TDRD5: variants seen among roughly 807,000 people sequenced by gnomAD.
TDRD5 encodes the protein tudor domain-containing protein 5.
In TDRD5, 41 loss-of-function variants were observed where a neutral mutation model predicts 120.6. The observed-to-expected ratio is 0.34, with a 90% confidence interval of 0.26 to 0.44. The LOEUF (loss-of-function observed/expected upper bound fraction) is 0.44. Ranked by LOEUF, TDRD5 falls within the 20% of genes least tolerant of loss-of-function variation. The pLI is 1.00. For synonymous variants in TDRD5, 430 were observed against 433.7 expected, an observed-to-expected ratio of 0.99 and a Z score of 0.11; for missense variants, 1,006 against 1,221.2, an observed-to-expected ratio of 0.82 and a Z score of 2.63.
rs191912887 is a variant in TDRD5, at chr1:179,685,112, C to T, written c.2861-5584C>T. Among the ~76,000 whole-genome samples the T allele has an allele frequency of 2.2e-3, 338 of 152,240 alleles. 6 individuals are homozygous for T. The highest frequency in any genetic ancestry group is 7.7e-3 in the African/African-American group (319 of 41,540). ...GCTTTGGTGTTTTAGACATGAAGTC[C>T]TTGCCCATGCCTATGCCCTGAATGG... On this transcript the variant is annotated intron_variant, in intron 17 of 17. Coordinates refer to ENST00000444136, the MANE Select transcript of TDRD5 (RefSeq NM_001199085.3).
intron 17 of TDRD5, among the ~76,000 whole-genome samples, chr1:179,687,017 AAGGGTTTTTTGT>A (rs1680759395): frequency 6.6e-6 from 1 of 152,076 alleles, no homozygotes; most frequent in African/African-American, 2.4e-5. Context: ...TGATTTTTTG[AAGGGTTTTTTGT>A]GTCTCTATCT....
chr1:179,608,064 A>G (rs1293368311), intron 4 of TDRD5, among the ~76,000 whole-genome samples: 1 of 151,922 alleles, frequency 6.6e-6, no homozygotes, highest in Non-Finnish European at 1.5e-5. Flanking sequence ...ATAGAATTCT[A>G]TCTGGTGTGA....
chr1:179,619,992 A>C (rs1676762174), intron 5 of TDRD5, among the ~76,000 whole-genome samples: 1 of 152,210 alleles, frequency 6.6e-6, no homozygotes, highest in East Asian at 1.9e-4. Context: ...ATATTCTCCA[A>C]ACTAGGGATG....
At chr1:179,640,122 G>A in intron 10 of TDRD5, 71 bp downstream of exon 10, 3 of 1,516,154 alleles carry the variant, frequency 2.0e-6, no homozygotes, top group Non-Finnish European at 2.7e-6. Context: ...CTGTGGGGTT[G>A]GGATCTCTCT....
intron 17 of TDRD5, among the ~76,000 whole-genome samples, chr1:179,680,030 T>A (rs1280425997): frequency 5.9e-5 from 9 of 152,172 alleles, no homozygotes; most frequent in Non-Finnish European, 1.3e-4. Context: ...TTTCATTCAT[T>A]TCAAAATATA....
intron 6 of TDRD5, among the ~76,000 whole-genome samples, chr1:179,629,819 ATATGAAATGTTTTCTGTT>A (rs1677335212): frequency 6.6e-6 from 1 of 152,206 alleles, no homozygotes; most frequent in Non-Finnish European, 1.5e-5. Context: ...CTTTTAAGAC[ATATGAAATGTTTTCTGTT>A]TAAGGAATGT....
At chr1:179,654,492 CA>C in intron 14 of TDRD5, 130 bp downstream of exon 14, 1 of 998,800 alleles carries the variant, frequency 1.0e-6, no homozygotes, top group Non-Finnish European at 1.4e-6. Context: ...AGGCCAAGTG[CA>C]ATGGTTCACA....
At chr1:179,617,163 C>T (rs887448606) in intron 4 of TDRD5, among the ~76,000 whole-genome samples, 1 of 152,038 alleles carries the variant, frequency 6.6e-6, no homozygotes, top group African/African-American at 2.4e-5. Flanking sequence ...ATGGAAATGC[C>T]CAAGAAAATG....
chr1:179,646,897 T>C (rs913355150), intron 11 of TDRD5, among the ~76,000 whole-genome samples: 1 of 150,996 alleles, frequency 6.6e-6, no homozygotes, highest in African/African-American at 2.4e-5. Flanking sequence ...TTACAAGGGA[T>C]GTGAAGGACC....
At position 179,630,884 on chromosome 1, in the gene TDRD5, C is replaced by T; in HGVS notation, c.1090C>T (p.Leu364=). ...GTTCAGGAAAGGACACCAAGACTTA[C>T]TAGTGTTTGATGCGGATAAGAAGCC... ...VEFRKGHQDL[L]VFDADKKPLP... The change falls in exon 7 of 18, where the codon CTA becomes TTA. Residue 364 remains leucine (L), a synonymous_variant. Coordinates refer to ENST00000444136, the MANE Select transcript of TDRD5 (RefSeq NM_001199085.3). 1 of 1,613,698 alleles carries T rather than the reference C, an allele frequency of 6.2e-7. No homozygotes were observed. Among genetic ancestry groups the T allele is most frequent in the Non-Finnish European group, 8.5e-7 (1 of 1,179,798 alleles).
chr1:179,645,937 T>C (rs1240508788), intron 11 of TDRD5, among the ~76,000 whole-genome samples: 1 of 152,186 alleles, frequency 6.6e-6, no homozygotes, highest in Non-Finnish European at 1.5e-5. Context: ...GTCATTCTAC[T>C]TTGAACCCTT....
At chr1:179,643,481 G>A (rs983181336) in intron 11 of TDRD5, among the ~76,000 whole-genome samples, 2 of 152,078 alleles carry the variant, frequency 1.3e-5, no homozygotes, top group African/African-American at 4.8e-5. Flanking sequence ...CTCATCATAA[G>A]GAACAGAGAA....
chr1:179,669,148 A>G, intron 16 of TDRD5, 46 bp from the exon 17 acceptor site: 1 of 1,541,272 alleles, frequency 6.5e-7, no homozygotes. Context: ...AATTATTCTT[A>G]TACTAACACT....
Position 179,592,749 on chromosome 1 carries a change from T to A in TDRD5, c.134T>A (p.Leu45His). Residue 45 changes from leucine to histidine, a missense_variant, in exon 2 of 18, where the codon CTC (leucine) becomes CAC (histidine). By Grantham distance (99) the Leu-to-His change is moderately conservative. Coordinates refer to ENST00000444136, the MANE Select transcript of TDRD5 (RefSeq NM_001199085.3). The stretch of plus-strand genomic sequence containing the variant: ...TTGATGGTTGGCAACCATCTACCAC[T>A]CCGAATCCTTGGGTATCGGTCCACT... ...YLLMVGNHLPLRILGYRSTME... is the reference protein window; with the variant it reads ...YLLMVGNHLPHRILGYRSTME... 1 of 1,614,122 alleles carries A rather than the reference T, an allele frequency of 6.2e-7. No individual in the cohort carries two copies. Among genetic ancestry groups the A allele is most frequent in the Non-Finnish European group, 8.5e-7 (1 of 1,180,016 alleles).
chr1:179,662,164 G>T lies in TDRD5; in HGVS notation c.2383G>T (p.Asp795Tyr), dbSNP rs1181516189. The change falls in exon 15 of 18, where the codon GAT becomes TAT. Residue 795 changes from aspartate (D) to tyrosine (Y), a missense_variant. Transcript: ENST00000444136. ...AGTGACCATAGGTGATGATATTTGG[G>T]ATGAGAACTGGTTACCTCTACAGGC... ...ESVTIGDDIW[D>Y]ENWLPLQAKM... 1 of 1,611,048 alleles carries T rather than the reference G, an allele frequency of 6.2e-7. No homozygotes were observed. The highest frequency in any genetic ancestry group is 8.5e-7 in the Non-Finnish European group (1 of 1,178,772).
At chr1:179,674,899 T>G (rs56016645) in intron 17 of TDRD5, among the ~76,000 whole-genome samples, 51,244 of 152,098 alleles carry the variant, frequency 0.34, 8,876 homozygotes, top group Admixed American at 0.42. Context: ...TCCCATTTCA[T>G]TTCTAATTGA....
chr1:179,627,829 T>C (rs560412875), intron 6 of TDRD5, among the ~76,000 whole-genome samples: 2 of 152,354 alleles, frequency 1.3e-5, no homozygotes, highest in African/African-American at 4.8e-5. Flanking sequence ...GCCAATCACT[T>C]ATCTTGGCAT....
In TDRD5 at chr1:179,662,283, G is replaced by A; in HGVS notation, c.2502G>A (p.Gln834=). 6.2e-7 allele frequency: 1 copy of A among 1,607,090 alleles called. No individual in the cohort carries two copies. Among genetic ancestry groups the A allele is most frequent in the Non-Finnish European group, 8.5e-7 (1 of 1,177,866 alleles). ...NQYSSCKEMP[Q]KDWCFSTPKD... is the part of the protein sequence containing the mutation. ...ATTCATCATGTAAAGAAATGCCACA[G>A]AAGGTTAGATCCTTGGAAAAATAGA... The change falls in exon 15 of 18, where the codon CAG becomes CAA. Residue 834 remains glutamine (Q), a synonymous_variant. Transcript: ENST00000444136.
At chr1:179,672,819 GC>G (rs1362739705) in intron 17 of TDRD5, among the ~76,000 whole-genome samples, 1 of 152,120 alleles carries the variant, frequency 6.6e-6, no homozygotes, top group African/African-American at 2.4e-5. Flanking sequence ...CATGTGGCTT[GC>G]CAATTATCCT....
Sources: gnomAD v4.1 joint callset for allele counts (sites outside exome capture counted in the v4.1 genomes callset) on GRCh38, gnomAD v4.1.1 for gene constraint, MANE v1.5 for transcripts, NCBI Gene and HGNC (gene_info 2026-07-23, HGNC 2026-07-21) for gene names.